The following ZNF69 variants were observed in gnomAD, a reference collection of about 807,000 sequenced individuals.
ZNF69 encodes the protein ZNF3.
ZNF69 carries 47 observed loss-of-function variants against 50.9 expected under a neutral mutation model. That is an observed-to-expected ratio of 0.92 (90% CI 0.73 to 1.18). The LOEUF is 1.18. Among genes scored for constraint, ZNF69 ranks in the 50% most tolerant of loss-of-function variants. The pLI is 0.00. For missense variants in ZNF69, 717 were observed against 675.1 expected (o/e 1.06, Z -0.69); for synonymous variants, 216 against 223.1 (o/e 0.97, Z 0.29).
chr19:11,896,407 A>G (rs544411841), intron 1 of ZNF69, among the ~76,000 whole-genome samples: 9 of 152,034 alleles, frequency 5.9e-5, no homozygotes, highest in African/African-American at 2.2e-4. Context: ...AAATTACCAT[A>G]GACTGGGTGA....
the ZNF69 span, among the ~76,000 whole-genome samples, chr19:11,922,761 A>T: frequency 2.0e-5 from 3 of 152,020 alleles, no homozygotes; most frequent in East Asian, 5.8e-4. Context: ...TTTTACAATT[A>T]GACCATCCAA....
Position 11,905,675 on chromosome 19 carries a change from A to T in ZNF69, c.1278A>T (p.Arg426Ser). ...YECKQCGKAF[R>S]SSSHLQLHGR... is the part of the protein sequence containing the mutation. Reference sequence around the variant, plus strand: ...GTAAGCAATGTGGGAAGGCCTTCAGATCTTCCTCACACCTTCAATTGCATG... The same window carrying T: ...GTAAGCAATGTGGGAAGGCCTTCAGTTCTTCCTCACACCTTCAATTGCATG... The change falls in exon 4 of 4, where the codon AGA (arginine) becomes AGT (serine). Residue 426 changes from arginine to serine, a missense_variant. By Grantham distance (110) the Arg-to-Ser change is moderately radical. Transcript: ENST00000429654. 7 of 1,613,764 alleles carry T rather than the reference A, an allele frequency of 4.3e-6. No individual in the cohort carries two copies. Among genetic ancestry groups the T allele is most frequent in the Non-Finnish European group, 5.9e-6 (7 of 1,179,924 alleles).
chr19:11,894,263 G>A (rs1167699593), intron 1 of ZNF69, among the ~76,000 whole-genome samples: 1 of 152,038 alleles, frequency 6.6e-6, no homozygotes, highest in Non-Finnish European at 1.5e-5. Context: ...TCCGCCTCCC[G>A]GGTTCATGCC....
At chr19:11,957,770 G>A in the ZNF69 span, among the ~76,000 whole-genome samples, 1 of 151,960 alleles carries the variant, frequency 6.6e-6, no homozygotes, top group African/African-American at 2.4e-5. Context: ...ACTTGAACCA[G>A]GGAGGCGGAG....
downstream of ZNF69, among the ~76,000 whole-genome samples, chr19:11,909,383 C>G (rs1467298487): frequency 1.3e-5 from 2 of 152,070 alleles, no homozygotes; most frequent in Non-Finnish European, 2.9e-5. Flanking sequence ...AATTTTAGAC[C>G]AATATACCTG....
At chr19:11,916,796 T>C (rs1034963426), downstream of ZNF69, among the ~76,000 whole-genome samples, 1 of 151,828 alleles carries the variant, frequency 6.6e-6, no homozygotes, top group Admixed American at 6.5e-5. Context: ...CGTAGCACCA[T>C]CTAAGTCATC....
chr19:11,895,781 T>A (rs375931228), intron 1 of ZNF69, among the ~76,000 whole-genome samples: 8 of 152,216 alleles, frequency 5.3e-5, no homozygotes, highest in African/African-American at 1.7e-4. Flanking sequence ...CTAGAATTAA[T>A]TAAATTATTG....
the ZNF69 span, among the ~76,000 whole-genome samples, chr19:11,966,922 A>G: frequency 8.5e-5 from 13 of 152,326 alleles, no homozygotes; most frequent in African/African-American, 3.1e-4. Context: ...TTGGAAGTTA[A>G]GTTCTGGCTT....
the ZNF69 span, chr19:11,977,260 A>C: frequency 6.2e-7 from 1 of 1,603,652 alleles, no homozygotes; most frequent in Non-Finnish European, 8.5e-7. Context: ...GACAGGAAAT[A>C]CTTTGATGAA....
In ZNF69 at chr19:11,905,802, G is replaced by C. The variant is rs575886687; in HGVS notation, c.1405G>C (p.Val469Leu). 11 of 1,610,976 alleles carry C rather than the reference G, an allele frequency of 6.8e-6. No homozygotes were observed. Among genetic ancestry groups the C allele is most frequent in the South Asian group, 3.3e-5 (3 of 90,936 alleles). Residue 469 changes from valine (V) to leucine (L), a missense_variant, in exon 4 of 4, where the codon GTA (valine) becomes CTA (leucine). Transcript: ENST00000429654. ...AAGTCATGAAAGGACACAAACACACGTAAGAATACACTCTGGAGAAAGACC... is the reference window on the plus strand; with the variant it reads ...AAGTCATGAAAGGACACAAACACACCTAAGAATACACTCTGGAGAAAGACC... ...LQSHERTQTHVRIHSGERPYK... is the reference protein window; with the variant it reads ...LQSHERTQTHLRIHSGERPYK...
the ZNF69 span, chr19:11,978,695 A>G: frequency 6.2e-7 from 1 of 1,614,170 alleles, no homozygotes; most frequent in African/African-American, 1.3e-5. Flanking sequence ...AGCCTTATGA[A>G]TGTCAGCAAT....
the ZNF69 span, among the ~76,000 whole-genome samples, chr19:11,926,248 TTCTA>T: frequency 6.6e-6 from 1 of 152,166 alleles, no homozygotes; most frequent in East Asian, 1.9e-4. Flanking sequence ...TGTTTTTCCA[TTCTA>T]TCTATTTTTA....
the ZNF69 span, among the ~76,000 whole-genome samples, chr19:11,936,480 T>C: frequency 1.3e-5 from 2 of 152,258 alleles, no homozygotes; most frequent in Non-Finnish European, 2.9e-5. Context: ...GCTGCATAAA[T>C]GTCTTCTTTT....
chr19:11,979,463 T>C, the ZNF69 span: 1 of 1,604,394 alleles, frequency 6.2e-7, no homozygotes, highest in Non-Finnish European at 8.5e-7. Flanking sequence ...ACCTTATAAA[T>C]GTAAGACATG....
Position 11,903,591 on chromosome 19 carries a change from G to T in ZNF69, c.82G>T (p.Asp28Tyr). 6.2e-7 allele frequency: 1 copy of T among 1,614,114 alleles called. No individual in the cohort carries two copies. The highest frequency in any genetic ancestry group is 2.2e-5 in the East Asian group (1 of 44,878). Residue 28 changes from aspartate to tyrosine, a missense_variant, in exon 2 of 4, where the codon GAT (aspartate) becomes TAT (tyrosine). Asp to Tyr is a radical substitution (Grantham distance 160). Coordinates refer to ENST00000429654, the MANE Select transcript of ZNF69 (RefSeq NM_001364730.1). ...SQEMDPVAFD[D>Y]VAVNFTQEEW... ...GTTTCAGGACCCAGTGGCCTTTGAT[G>T]ATGTTGCTGTGAACTTCACCCAGGA... is the stretch of plus-strand genomic sequence containing the variant.
the ZNF69 span, among the ~76,000 whole-genome samples, chr19:11,924,835 G>C: frequency 6.6e-6 from 1 of 152,174 alleles, no homozygotes; most frequent in African/African-American, 2.4e-5. Flanking sequence ...GAAGGAGCGG[G>C]GACTGTCCCT....
the ZNF69 span, among the ~76,000 whole-genome samples, chr19:11,966,342 A>G: frequency 6.6e-6 from 1 of 152,158 alleles, no homozygotes; most frequent in Admixed American, 6.5e-5. Context: ...GCCAAGAGCC[A>G]GTCACTTCAC....
At chr19:11,955,136 C>T in the ZNF69 span, among the ~76,000 whole-genome samples, 2 of 151,020 alleles carry the variant, frequency 1.3e-5, no homozygotes, top group Non-Finnish European at 2.9e-5. Flanking sequence ...TCCTGAGTAG[C>T]TGGGACTACA....
At chr19:11,968,309 T>C in the ZNF69 span, among the ~76,000 whole-genome samples, 10 of 152,254 alleles carry the variant, frequency 6.6e-5, no homozygotes, top group South Asian at 8.3e-4. Flanking sequence ...GCTGGAGCAG[T>C]GGTGCGATCA....
Sources: gnomAD v4.1 joint callset for allele counts (sites outside exome capture counted in the v4.1 genomes callset) on GRCh38, gnomAD v4.1.1 for gene constraint, MANE v1.5 for transcripts, NCBI Gene and HGNC (gene_info 2026-07-23, HGNC 2026-07-21) for gene names.